The following PRKN variants were observed in gnomAD, a reference collection of about 807,000 sequenced individuals.
PRKN encodes parkin RBR E3 ubiquitin protein ligase.
PRKN carries 56 observed loss-of-function variants against 59.5 expected under a neutral mutation model. That is an observed-to-expected ratio of 0.94 (90% CI 0.76 to 1.18). The LOEUF is 1.18. Among genes scored for constraint, PRKN ranks in the 50% most tolerant of loss-of-function variants. The pLI is 0.00. For synonymous variants in PRKN, 250 were observed against 222.1 expected, an observed-to-expected ratio of 1.13 and a Z score of -1.12; for missense variants, 657 against 596.4, an observed-to-expected ratio of 1.10 and a Z score of -1.06.
chr6:161,648,837 G>C (rs1024884507), intron 7 of PRKN, among the ~76,000 whole-genome samples: 4 of 152,180 alleles, frequency 2.6e-5, no homozygotes, highest in Admixed American at 6.5e-5. Flanking sequence ...CACAGCCATA[G>C]AGTCAACCAT....
chr6:162,282,357 TTCAC>T (rs1017192655), intron 2 of PRKN, among the ~76,000 whole-genome samples: 2 of 151,832 alleles, frequency 1.3e-5, no homozygotes, highest in Admixed American at 6.6e-5. Flanking sequence ...CTCTCAGATG[TTCAC>T]TCAAAGTGAT....
intron 4 of PRKN, among the ~76,000 whole-genome samples, chr6:162,185,403 T>G (rs1033435770): frequency 6.6e-6 from 1 of 152,162 alleles, no homozygotes; most frequent in Non-Finnish European, 1.5e-5. Flanking sequence ...AAACAAAAAC[T>G]TACGGCTGAA....
At chr6:161,455,315 A>T (rs61591550) in intron 9 of PRKN, among the ~76,000 whole-genome samples, 1 of 151,986 alleles carries the variant, frequency 6.6e-6, no homozygotes, top group African/African-American at 2.4e-5. Flanking sequence ...GGGATTACAG[A>T]TGTGAGCCAC....
intron 7 of PRKN, among the ~76,000 whole-genome samples, chr6:161,733,788 ATATATATATG>A (rs1415439443): frequency 3.6e-5 from 3 of 84,106 alleles, no homozygotes; most frequent in African/African-American, 1.8e-4. Context: ...AAAAAAATAT[ATATATATATG>A]TATATATATA....
intron 5 of PRKN, among the ~76,000 whole-genome samples, chr6:162,051,534 G>A (rs1777644398): frequency 6.6e-6 from 1 of 152,198 alleles, no homozygotes; most frequent in Non-Finnish European, 1.5e-5. Context: ...CTGCCTGAGA[G>A]GCGAGCAGGA....
chr6:161,564,201 C>T (rs1164830993), intron 8 of PRKN, among the ~76,000 whole-genome samples: 1 of 152,196 alleles, frequency 6.6e-6, no homozygotes, highest in Non-Finnish European at 1.5e-5. Context: ...TCTCTGCTTC[C>T]TCTCGGGAGC....
intron 7 of PRKN, among the ~76,000 whole-genome samples, chr6:161,772,798 TTATC>T (rs1381180134): frequency 1.4e-4 from 21 of 152,074 alleles, no homozygotes; most frequent in African/African-American, 4.8e-4. Flanking sequence ...AAGACAGCCA[TTATC>T]TAGTGTAATT....
chr6:162,619,033 C>T (rs2128220370), intron 1 of PRKN, among the ~76,000 whole-genome samples: 1 of 152,196 alleles, frequency 6.6e-6, no homozygotes, highest in South Asian at 2.1e-4. Context: ...ACATAAATGA[C>T]TATAATAACT....
rs533892416 is a variant in PRKN, at chr6:161,488,563, C to T, written c.1083+60291G>A. Among the ~76,000 whole-genome samples the T allele has an allele frequency of 6.6e-6, 1 of 152,254 alleles. No homozygotes were observed. Among genetic ancestry groups the T allele is most frequent in the Non-Finnish European group, 1.5e-5 (1 of 68,016 alleles). ...GAAGTGTGGTGGTGCCATCATAGCT[C>T]ACTGCATGAATTCCTGGGCTCAAGT... On this transcript the variant is annotated intron_variant, in intron 9 of 11. Coordinates refer to ENST00000366898, the MANE Select transcript of PRKN (RefSeq NM_004562.3). The surrounding 1 kb of genome is among the most constrained non-coding windows in gnomAD (Gnocchi z 4.5).
At chr6:161,945,409 G>A (rs142908177) in intron 6 of PRKN, among the ~76,000 whole-genome samples, 108 of 152,138 alleles carry the variant, frequency 7.1e-4, no homozygotes, top group African/African-American at 2.4e-3. Context: ...TCTTCTATCC[G>A]GTTTTCTTCC....
intron 6 of PRKN, among the ~76,000 whole-genome samples, chr6:161,868,128 T>TA (rs1794198084): frequency 6.6e-6 from 1 of 152,146 alleles, no homozygotes; most frequent in African/African-American, 2.4e-5. Flanking sequence ...ATAATGTTTC[T>TA]AAGATCATTT....
intron 9 of PRKN, among the ~76,000 whole-genome samples, chr6:161,482,481 G>T (rs1791447977): frequency 6.6e-6 from 1 of 152,240 alleles, no homozygotes; most frequent in Non-Finnish European, 1.5e-5. Context: ...ATATGACTAA[G>T]TTCTTTAAGG....
chr6:162,664,907 T>C (rs1175362461), intron 1 of PRKN, among the ~76,000 whole-genome samples: 1 of 152,210 alleles, frequency 6.6e-6, no homozygotes, highest in African/African-American at 2.4e-5. Flanking sequence ...TTTGTCAATC[T>C]GGCTTTTGTT....
chr6:162,677,525 A>G (rs927550605), intron 1 of PRKN, among the ~76,000 whole-genome samples: 2 of 151,492 alleles, frequency 1.3e-5, no homozygotes, highest in East Asian at 1.9e-4. Context: ...TTTAATAGGG[A>G]AAAAAATGGA....
intron 1 of PRKN, among the ~76,000 whole-genome samples, chr6:162,611,104 C>G (rs1407814289): frequency 1.3e-5 from 2 of 152,064 alleles, no homozygotes; most frequent in Non-Finnish European, 2.9e-5. Flanking sequence ...TTTGTAATAT[C>G]TATTGGCAAA....
intron 6 of PRKN, among the ~76,000 whole-genome samples, chr6:161,854,570 T>G (rs1412883884): frequency 6.6e-6 from 1 of 152,202 alleles, no homozygotes; most frequent in Non-Finnish European, 1.5e-5. Context: ...CTTACCTACA[T>G]ATAACTGCAC....
intron 6 of PRKN, among the ~76,000 whole-genome samples, chr6:161,828,257 G>C (rs960828579): frequency 2.0e-5 from 3 of 152,294 alleles, no homozygotes; most frequent in African/African-American, 7.2e-5. Flanking sequence ...AGCCTTACCA[G>C]TAACTATTTA....
rs1281347014 is a variant in PRKN, at chr6:161,703,819, A to ATCTC, written c.871+81949_871+81952dup. 2.1e-3 allele frequency among the ~76,000 whole-genome samples: 281 copies of ATCTC among 136,280 alleles called. 1 individual carries two copies. The highest frequency in any genetic ancestry group is 7.4e-3 in the African/African-American group (261 of 35,098). 89.4% of individuals were successfully genotyped at this position (136,280 alleles called of 152,430 possible). On this transcript the variant is annotated intron_variant, in intron 7 of 11. Coordinates refer to ENST00000366898, the MANE Select transcript of PRKN (RefSeq NM_004562.3). ...GAATGTAAACCACATGAGGACACACATCTCTCTCTCTCTCTCTCTCTTTTT... is the reference window on the plus strand; with the variant it reads ...GAATGTAAACCACATGAGGACACACATCTCTCTCTCTCTCTCTCTCTCTCTTTTT...
At chr6:161,543,658 A>G (rs532939163) in intron 9 of PRKN, among the ~76,000 whole-genome samples, 1 of 152,250 alleles carries the variant, frequency 6.6e-6, no homozygotes, top group Non-Finnish European at 1.5e-5. Flanking sequence ...TGCAGTTGCC[A>G]CATTTTGTTT....
Sources: allele counts gnomAD v4.1 joint callset (sites outside exome capture counted in the v4.1 genomes callset), GRCh38; gene constraint gnomAD v4.1.1; non-coding constraint Gnocchi (gnomAD v3.1); transcripts MANE v1.5; gene names NCBI Gene and HGNC (gene_info 2026-07-23, HGNC 2026-07-21).